Variants in UMAD1 observed in about 807,000 individuals in gnomAD.
UMAD1 encodes UBAP1-MVB12-associated (UMA) domain containing 1.
UMAD1 carries 8 observed loss-of-function variants against 6.1 expected under a neutral mutation model. The ratio of observed to expected loss-of-function variants is 1.30; its 90% CI spans 0.76 to 2.35. The LOEUF (loss-of-function observed/expected upper bound fraction) is 2.35. Ranked by LOEUF, UMAD1 falls within the 30% of genes most tolerant of loss-of-function variation. The pLI, the probability that UMAD1 is intolerant of heterozygous loss-of-function variation, is 0.00. For synonymous variants in UMAD1, 56 were observed against 31.4 expected, an observed-to-expected ratio of 1.78 and a Z score of -2.61; for missense variants, 130 against 78.4, an observed-to-expected ratio of 1.66 and a Z score of -2.49.
At chr7:7,649,172 AAAAAAAAG>A (rs1785165133) in intron 1 of UMAD1, among the ~76,000 whole-genome samples, 1 of 143,064 alleles carries the variant, frequency 7.0e-6, no homozygotes, top group Non-Finnish European at 1.5e-5. Flanking sequence ...AAAAAAAAAA[AAAAAAAAG>A]AAAAGAAAAG....
At chr7:7,714,581 G>A (rs978285013) in intron 2 of UMAD1, among the ~76,000 whole-genome samples, 1 of 152,196 alleles carries the variant, frequency 6.6e-6, no homozygotes, top group Non-Finnish European at 1.5e-5. Context: ...ATCAGTGGTA[G>A]ATTGATTTGT....
At chr7:7,872,129 G>A (rs73676921) in intron 3 of UMAD1, among the ~76,000 whole-genome samples, 349 of 152,050 alleles carry the variant, frequency 2.3e-3, no homozygotes, top group African/African-American at 8.0e-3. Flanking sequence ...TGTGTGTTTA[G>A]AAAGCAAAAT....
chr7:7,682,865 G>A (rs768025857), intron 2 of UMAD1, among the ~76,000 whole-genome samples: 11 of 152,214 alleles, frequency 7.2e-5, no homozygotes, highest in Non-Finnish European at 1.6e-4. Flanking sequence ...TGATGTAGAT[G>A]CTTGTTTTTC....
intron 3 of UMAD1, among the ~76,000 whole-genome samples, chr7:7,836,492 A>G (rs549449642): frequency 1.3e-5 from 2 of 152,018 alleles, no homozygotes; most frequent in Non-Finnish European, 2.9e-5. Context: ...TTTACTATGT[A>G]TCAAGATAGG....
In UMAD1 at chr7:7,683,324, A is replaced by G. The variant is rs2095443022; in HGVS notation, c.82+9871A>G. Among the ~76,000 whole-genome samples, 4 of 152,302 alleles carry G rather than the reference A, an allele frequency of 2.6e-5. No individual in the cohort carries two copies. The South Asian group carries it at 8.3e-4, about 32-fold the overall frequency. On this transcript the variant is annotated intron_variant, in intron 2 of 3. Coordinates refer to ENST00000682710, the MANE Select transcript of UMAD1 (RefSeq NM_001302348.2). ...ATTAAAAGGTCCTGGGATTAGGCCC[A>G]GGAATTGATTTTTTCCCCCCAGAGT...
At chr7:7,860,926 G>T (rs1185807176) in intron 3 of UMAD1, among the ~76,000 whole-genome samples, 1 of 152,052 alleles carries the variant, frequency 6.6e-6, no homozygotes, top group South Asian at 2.1e-4. Flanking sequence ...CCTTAAAAAG[G>T]AATGAAATTC....
At chr7:7,801,508 G>A (rs1782798321) in intron 2 of UMAD1, among the ~76,000 whole-genome samples, 162 bp from the exon 3 acceptor site, 1 of 152,164 alleles carries the variant, frequency 6.6e-6, no homozygotes, top group Admixed American at 6.5e-5. Context: ...TATAATTACT[G>A]TTCTTAAAAA....
At chr7:7,715,508 C>T (rs572256676) in intron 2 of UMAD1, among the ~76,000 whole-genome samples, 52 of 152,178 alleles carry the variant, frequency 3.4e-4, no homozygotes, top group Non-Finnish European at 5.4e-4. Flanking sequence ...TCATGCATTC[C>T]GACAATATCT....
intron 3 of UMAD1, among the ~76,000 whole-genome samples, chr7:7,831,844 T>C (rs772394241): frequency 1.6e-4 from 25 of 152,196 alleles, no homozygotes; most frequent in Non-Finnish European, 2.9e-4. Flanking sequence ...ATAGGGATGG[T>C]TGTTTAATGC....
At chr7:7,704,555 A>T (rs1169960367) in intron 2 of UMAD1, among the ~76,000 whole-genome samples, 2 of 149,782 alleles carry the variant, frequency 1.3e-5, no homozygotes, top group Non-Finnish European at 3.0e-5. Flanking sequence ...GGAGTTCAAG[A>T]CTAGCCTGGC....
intron 1 of UMAD1, among the ~76,000 whole-genome samples, chr7:7,642,097 T>C (rs539741709): frequency 1.1e-4 from 16 of 152,336 alleles, no homozygotes; most frequent in African/African-American, 3.8e-4. Context: ...AGCAAGTTGA[T>C]GTGCATTATA....
intron 3 of UMAD1, among the ~76,000 whole-genome samples, chr7:7,804,917 G>A (rs1388640012): frequency 6.6e-6 from 1 of 152,008 alleles, no homozygotes; most frequent in Non-Finnish European, 1.5e-5. Flanking sequence ...GGAGGCGGGG[G>A]TTGCAGTGAG....
At chr7:7,815,730 C>G (rs541666068) in intron 3 of UMAD1, among the ~76,000 whole-genome samples, 1 of 152,256 alleles carries the variant, frequency 6.6e-6, no homozygotes, top group Non-Finnish European at 1.5e-5. Context: ...CATATGGCCA[C>G]CCCTAGTGGC....
intron 1 of UMAD1, among the ~76,000 whole-genome samples, chr7:7,659,533 T>C (rs904932907): frequency 1.3e-5 from 2 of 152,226 alleles, no homozygotes; most frequent in Non-Finnish European, 2.9e-5. Flanking sequence ...TCAAAGAACA[T>C]CTTTATTTCT....
intron 2 of UMAD1, among the ~76,000 whole-genome samples, chr7:7,794,748 G>A (rs945353782): frequency 3.3e-5 from 5 of 152,112 alleles, no homozygotes; most frequent in Admixed American, 2.0e-4. Context: ...CGTTGAAATG[G>A]CCCTGCAAAG....
At chr7:7,850,846 A>G (rs1022253653) in intron 3 of UMAD1, among the ~76,000 whole-genome samples, 9 of 152,146 alleles carry the variant, frequency 5.9e-5, no homozygotes, top group African/African-American at 2.2e-4. Flanking sequence ...ATTTTTAAGC[A>G]CCTTATAAGT....
At chr7:7,731,482 A>ACCC (rs60208794) in intron 2 of UMAD1, among the ~76,000 whole-genome samples, 5,931 of 111,670 alleles carry the variant, frequency 0.053, 234 homozygotes, top group Non-Finnish European at 0.071. Flanking sequence ...CAAACAAACA[A>ACCC]CCCCCCCCCA....
chr7:7,819,640 ATAGTTT>A (rs1563232586), intron 3 of UMAD1, among the ~76,000 whole-genome samples: 1 of 152,238 alleles, frequency 6.6e-6, no homozygotes, highest in Non-Finnish European at 1.5e-5. Flanking sequence ...TTCAACAAAA[ATAGTTT>A]TAGTTTTGCT....
chr7:7,805,887 A>G (rs201591696), intron 3 of UMAD1, among the ~76,000 whole-genome samples: 14,313 of 152,196 alleles, frequency 0.094, 766 homozygotes, highest in Non-Finnish European at 0.12. Flanking sequence ...ATTACACTTA[A>G]TCACTATGTC....
Sources: gnomAD v4.1 joint callset for allele counts (sites outside exome capture counted in the v4.1 genomes callset) on GRCh38, gnomAD v4.1.1 for gene constraint, MANE v1.5 for transcripts, NCBI Gene and HGNC (gene_info 2026-07-23, HGNC 2026-07-21) for gene names.